The following MYT1L variants were observed in gnomAD, a reference collection of about 807,000 sequenced individuals.
The protein encoded by MYT1L is myelin transcription factor 1-like protein.
Under a neutral mutation model 126.7 loss-of-function variants are expected in MYT1L, and 12 were observed. The ratio of observed to expected loss-of-function variants is 0.09; its 90% confidence interval spans 0.06 to 0.15. The LOEUF is 0.15. Ranked by LOEUF, MYT1L falls within the 10% of genes least tolerant of loss-of-function variation. The probability of loss-of-function intolerance (pLI) is 1.00; values close to 1 mark genes in which losing one functional copy is unlikely to be tolerated. For synonymous variants in MYT1L, 541 were observed against 604.2 expected (o/e 0.90, Z 1.53); for missense variants, 979 against 1,585.2 (o/e 0.62, Z 6.49).
At chr2:2,305,036 A>G (rs1176551905) in intron 1 of MYT1L, among the ~76,000 whole-genome samples, 1 of 152,234 alleles carries the variant, frequency 6.6e-6, no homozygotes, top group Non-Finnish European at 1.5e-5. Flanking sequence ...CTGTTTATAT[A>G]TTAAAATGAT....
intron 3 of MYT1L, among the ~76,000 whole-genome samples, chr2:2,158,556 A>G (rs1172997259): frequency 6.6e-6 from 1 of 152,084 alleles, no homozygotes; most frequent in Non-Finnish European, 1.5e-5. Context: ...AATGCAATTC[A>G]TATCGGCACA....
At chr2:2,241,586 C>G (rs548529849) in intron 2 of MYT1L, among the ~76,000 whole-genome samples, 1 of 152,286 alleles carries the variant, frequency 6.6e-6, no homozygotes, top group South Asian at 2.1e-4. Flanking sequence ...GTAGCAGATA[C>G]AGGAATCCAA....
rs75114564 is a variant in MYT1L, at chr2:2,291,847, A to G, written c.-520-7344T>C. Among the ~76,000 whole-genome samples the G allele has an allele frequency of 6.3e-4, 96 of 152,348 alleles. 1 individual carries two copies. In the East Asian group the frequency reaches 0.018, roughly 28 times the overall value. ...AAAAGAACCTAAAAGTCACTGTCTC[A>G]CAGAGTATTTGATAATTTTTAGCAT... On this transcript the variant is annotated intron_variant, in intron 1 of 24. Transcript: ENST00000647738.
intron 2 of MYT1L, among the ~76,000 whole-genome samples, chr2:2,230,592 TGTGACA>T (rs896621413): frequency 6.6e-6 from 1 of 152,172 alleles, no homozygotes; most frequent in African/African-American, 2.4e-5. Context: ...CAAGGTGACA[TGTGACA>T]GTGTCAGCCC....
chr2:2,080,787 T>G (rs1477033990), intron 3 of MYT1L, among the ~76,000 whole-genome samples: 1 of 152,142 alleles, frequency 6.6e-6, no homozygotes, highest in Non-Finnish European at 1.5e-5. Context: ...TGACAAAAAT[T>G]TTGGCCATTC....
intron 14 of MYT1L, among the ~76,000 whole-genome samples, chr2:1,892,685 C>G (rs2049067465): frequency 1.3e-5 from 2 of 152,006 alleles, no homozygotes; most frequent in Admixed American, 1.3e-4. Flanking sequence ...AAATCCCAGT[C>G]GAGGCCCTAA....
intron 3 of MYT1L, among the ~76,000 whole-genome samples, chr2:2,063,339 C>T (rs780585857): frequency 1.1e-4 from 17 of 152,176 alleles, no homozygotes; most frequent in Admixed American, 5.9e-4. Context: ...AGGGCTTGCA[C>T]GAACATCTAG....
intron 3 of MYT1L, among the ~76,000 whole-genome samples, chr2:2,096,506 G>A (rs911339091): frequency 1.3e-5 from 2 of 152,114 alleles, no homozygotes; most frequent in African/African-American, 2.4e-5. Context: ...TCAACTCAGG[G>A]GAGATCTTCC....
At chr2:2,103,600 C>T (rs751124060) in intron 3 of MYT1L, among the ~76,000 whole-genome samples, 8 of 152,208 alleles carry the variant, frequency 5.3e-5, no homozygotes, top group Middle Eastern at 3.4e-3. Context: ...ACCCAGCATC[C>T]CAGCACAGCC....
intron 3 of MYT1L, among the ~76,000 whole-genome samples, chr2:2,098,562 G>A (rs2077699737): frequency 6.6e-6 from 1 of 152,198 alleles, no homozygotes; most frequent in African/African-American, 2.4e-5. Flanking sequence ...TGTCACACTA[G>A]GGAGGAGGGT....
Position 1,889,494 on chromosome 2 carries a change from A to C in MYT1L, c.2284-17T>G. The C allele has an allele frequency of 1.3e-6, 2 of 1,570,322 alleles. No homozygotes were observed. The highest frequency in any genetic ancestry group is 1.7e-6 in the Non-Finnish European group (2 of 1,154,276). ...GTCAGGGTTCTGTCGGTAGAAAGACATAGTGACTGTGCTTGGCCCGGCATC... is the reference window on the plus strand; with the variant it reads ...GTCAGGGTTCTGTCGGTAGAAAGACCTAGTGACTGTGCTTGGCCCGGCATC... On this transcript the variant is annotated splice_polypyrimidine_tract_variant and intron_variant, in intron 15 of 24. Coordinates refer to ENST00000647738, the MANE Select transcript of MYT1L (RefSeq NM_001303052.2). The surrounding 1 kb of genome is among the most constrained non-coding windows in gnomAD (Gnocchi z 4.1).
rs1357209004 is a variant in MYT1L, at chr2:2,329,970, TG to T, written c.-521+996del. On this transcript the variant is annotated intron_variant, in intron 1 of 24. Coordinates refer to ENST00000647738, the MANE Select transcript of MYT1L (RefSeq NM_001303052.2). ...GTGAAAACTTATAGGAATGCAATGCTGTTTTTTTTTTTGAAAAGGAATATTT... is the reference window on the plus strand; with the variant it reads ...GTGAAAACTTATAGGAATGCAATGCTTTTTTTTTTTTGAAAAGGAATATTT... Among the ~76,000 whole-genome samples the T allele has an allele frequency of 4.6e-5, 7 of 151,910 alleles. No homozygotes were observed. The South Asian group carries it at 1.2e-3, about 27-fold the overall frequency.
At chr2:2,137,919 A>G (rs1041842716) in intron 3 of MYT1L, among the ~76,000 whole-genome samples, 12 of 152,192 alleles carry the variant, frequency 7.9e-5, no homozygotes, top group African/African-American at 2.9e-4. Flanking sequence ...AAAATGGGAG[A>G]AAATTTTTGC....
At chr2:1,812,694 G>A (rs2036859751) in intron 21 of MYT1L, among the ~76,000 whole-genome samples, 1 of 152,036 alleles carries the variant, frequency 6.6e-6, no homozygotes, top group Admixed American at 6.5e-5. Context: ...TGGCCAACAT[G>A]GTGAAACCCT....
intron 2 of MYT1L, among the ~76,000 whole-genome samples, chr2:2,277,667 T>C (rs931231165): frequency 2.0e-5 from 3 of 152,196 alleles, no homozygotes; most frequent in African/African-American, 4.8e-5. Flanking sequence ...AAGAAATAAT[T>C]ACAGGATTAA....
At chr2:1,905,017 C>T (rs1573434100) in intron 13 of MYT1L, among the ~76,000 whole-genome samples, 1 of 151,766 alleles carries the variant, frequency 6.6e-6, no homozygotes, top group Non-Finnish European at 1.5e-5. Flanking sequence ...ATGATGGTCT[C>T]GATCTCCTGA....
chr2:1,915,031 G>A (rs566465005), intron 11 of MYT1L, among the ~76,000 whole-genome samples: 2 of 152,010 alleles, frequency 1.3e-5, no homozygotes, highest in Admixed American at 1.3e-4. Context: ...CCCCGGCCTC[G>A]TGCAGAGCCC....
chr2:1,883,258 A>G (rs1040881540), intron 18 of MYT1L, among the ~76,000 whole-genome samples: 12 of 152,228 alleles, frequency 7.9e-5, no homozygotes, highest in South Asian at 2.1e-4. Context: ...CTTAAGAGCC[A>G]ATTCTCTGTG....
intron 2 of MYT1L, among the ~76,000 whole-genome samples, chr2:2,196,116 A>C (rs553026661): frequency 2.0e-4 from 29 of 148,074 alleles, no homozygotes; most frequent in Non-Finnish European, 4.0e-4. Flanking sequence ...AAACTTCTGG[A>C]AATCAAATAT....
Sources: allele counts gnomAD v4.1 joint callset (sites outside exome capture counted in the v4.1 genomes callset), GRCh38; gene constraint gnomAD v4.1.1; non-coding constraint Gnocchi (gnomAD v3.1); transcripts MANE v1.5; gene names NCBI Gene and HGNC (gene_info 2026-07-23, HGNC 2026-07-21).